TYW1B: variants seen among roughly 807,000 people sequenced by gnomAD.
TYW1B encodes tRNA-yW synthesizing protein 1 homolog B, also known as S-adenosyl-L-methionine-dependent tRNA 4-demethylwyosine synthase TYW1B.
TYW1B carries 73 observed loss-of-function variants against 86.9 expected under a neutral mutation model. The ratio of observed to expected loss-of-function variants is 0.84; its 90% CI spans 0.70 to 1.02. The LOEUF is 1.02. TYW1B is among the 50% of genes least tolerant of loss of function. The pLI is 0.00. For synonymous variants in TYW1B, 248 were observed against 292.8 expected (o/e 0.85, Z 1.56); for missense variants, 637 against 827.4 (o/e 0.77, Z 2.82).
chr7:72,712,874 T>C (rs1404229230), intron 10 of TYW1B, among the ~76,000 whole-genome samples: 9 of 152,130 alleles, frequency 5.9e-5, no homozygotes, highest in African/African-American at 1.9e-4. Flanking sequence ...CTTTCACACA[T>C]TCTGTGGTCT....
At chr7:72,585,205 ACT>A (rs782820299) in intron 13 of TYW1B, among the ~76,000 whole-genome samples, 1 of 152,218 alleles carries the variant, frequency 6.6e-6, no homozygotes, top group African/African-American at 2.4e-5. Flanking sequence ...GCCCCCAGCC[ACT>A]GTCTCAAACC....
At chr7:72,585,757 C>T (rs1264381190) in intron 13 of TYW1B, among the ~76,000 whole-genome samples, 2 of 152,176 alleles carry the variant, frequency 1.3e-5, no homozygotes, top group East Asian at 3.8e-4. Flanking sequence ...TGTGATGCCA[C>T]CCCAGCCACG....
chr7:72,616,251 T>G (rs1380191546), intron 13 of TYW1B, among the ~76,000 whole-genome samples: 7 of 152,084 alleles, frequency 4.6e-5, no homozygotes, highest in African/African-American at 1.7e-4. Context: ...CAAACAAAAT[T>G]CTCCAGATGC....
intron 13 of TYW1B, among the ~76,000 whole-genome samples, chr7:72,607,438 G>A (rs558448405): frequency 3.4e-5 from 5 of 147,884 alleles, no homozygotes; most frequent in Admixed American, 6.8e-5. Context: ...GAAAGAGGAG[G>A]AAGAAGAACA....
intron 12 of TYW1B, among the ~76,000 whole-genome samples, chr7:72,626,928 A>G (rs1453586716): frequency 3.3e-5 from 5 of 151,838 alleles, no homozygotes; most frequent in African/African-American, 1.2e-4. Context: ...TAGTGCACCT[A>G]TATTTACAAA....
chr7:72,813,799 G>A (rs1788669172), intron 3 of TYW1B, among the ~76,000 whole-genome samples: 1 of 152,076 alleles, frequency 6.6e-6, no homozygotes, highest in Non-Finnish European at 1.5e-5. Flanking sequence ...TAAATCACCT[G>A]ATGTCAGGAG....
chr7:72,758,458 T>C (rs552899289), intron 7 of TYW1B, among the ~76,000 whole-genome samples: 1 of 151,872 alleles, frequency 6.6e-6, no homozygotes, highest in African/African-American at 2.4e-5. Context: ...AAACATTTTT[T>C]TCTCTTAGAA....
At chr7:72,612,207 C>G (rs185789607) in intron 13 of TYW1B, among the ~76,000 whole-genome samples, 19 of 151,946 alleles carry the variant, frequency 1.3e-4, no homozygotes, top group Non-Finnish European at 2.6e-4. Flanking sequence ...TTAGAGAGAA[C>G]GAAGAGACAG....
At chr7:72,747,706 CAA>C (rs1554464085) in intron 7 of TYW1B, among the ~76,000 whole-genome samples, 1 of 152,164 alleles carries the variant, frequency 6.6e-6, no homozygotes, top group African/African-American at 2.4e-5. Context: ...CCTATTTCTA[CAA>C]AAGTCTTATT....
At chr7:72,776,432 A>G (rs1787954762) in intron 7 of TYW1B, among the ~76,000 whole-genome samples, 1 of 151,644 alleles carries the variant, frequency 6.6e-6, no homozygotes, top group Non-Finnish European at 1.5e-5. Context: ...ATGGTGACAT[A>G]TGTCTCTAGT....
chr7:72,678,715 T>C (rs1167472783), intron 11 of TYW1B, among the ~76,000 whole-genome samples: 2 of 151,720 alleles, frequency 1.3e-5, no homozygotes, highest in Non-Finnish European at 2.9e-5. Context: ...CTAATTTTTG[T>C]ATTTTTAGTA....
intron 7 of TYW1B, among the ~76,000 whole-genome samples, chr7:72,759,058 C>T (rs552953759): frequency 5.3e-5 from 8 of 152,250 alleles, no homozygotes; most frequent in South Asian, 4.1e-4. Context: ...TGGCCAGGTG[C>T]GGTAGCTTAT....
chr7:72,720,764 T>G (rs1786880453), intron 9 of TYW1B, among the ~76,000 whole-genome samples: 1 of 152,164 alleles, frequency 6.6e-6, no homozygotes, highest in Non-Finnish European at 1.5e-5. Flanking sequence ...TTATTATTAT[T>G]ATACCTTAAG....
intron 11 of TYW1B, among the ~76,000 whole-genome samples, chr7:72,643,164 TAATATA>T (rs1211939933): frequency 6.6e-6 from 1 of 151,872 alleles, no homozygotes; most frequent in Non-Finnish European, 1.5e-5. Context: ...AAGTAAGCAA[TAATATA>T]AATATAAGAA....
intron 12 of TYW1B, among the ~76,000 whole-genome samples, chr7:72,626,096 T>C (rs1554438765): frequency 6.6e-6 from 1 of 151,730 alleles, no homozygotes. Context: ...GTTTGTATCT[T>C]TGCATCATTA....
At chr7:72,700,340 A>G (rs1814436200) in intron 10 of TYW1B, among the ~76,000 whole-genome samples, 1 of 151,230 alleles carries the variant, frequency 6.6e-6, no homozygotes, top group African/African-American at 2.4e-5. Context: ...ACGCCCAGCT[A>G]ATTTTTTGTA....
intron 2 of TYW1B, among the ~76,000 whole-genome samples, chr7:72,817,562 G>C (rs1586008091): frequency 6.6e-6 from 1 of 152,232 alleles, no homozygotes; most frequent in East Asian, 1.9e-4. Context: ...TTGGGTCATG[G>C]GGGTGGGTCC....
chr7:72,713,740 T>G lies in TYW1B; in HGVS notation c.1251A>C (p.Ala417=). ...TTATTGGTTCTCCCACGAGGGACAATGCACAGTGCTTTACCGTCATTCCTT... is the reference window on the plus strand; with the variant it reads ...TTATTGGTTCTCCCACGAGGGACAAGGCACAGTGCTTTACCGTCATTCCTT... ...FEEGMTVKHC[A]LSLVGEPIMY... The change falls in exon 10 of 14, where the codon GCA becomes GCC. Residue 417 remains alanine (A), a synonymous_variant. Transcript: ENST00000620995. The G allele has an allele frequency of 6.2e-7, 1 of 1,612,692 alleles. No homozygotes were observed. The highest frequency in any genetic ancestry group is 8.5e-7 in the Non-Finnish European group (1 of 1,179,442).
At chr7:72,719,867 C>A (rs1346375156) in intron 9 of TYW1B, among the ~76,000 whole-genome samples, 3 of 152,048 alleles carry the variant, frequency 2.0e-5, no homozygotes, top group African/African-American at 7.2e-5. Flanking sequence ...AGGTGGGAGC[C>A]TGCCTGATTA....
Sources: gnomAD v4.1 joint callset for allele counts (sites outside exome capture counted in the v4.1 genomes callset) on GRCh38, gnomAD v4.1.1 for gene constraint, MANE v1.5 for transcripts, NCBI Gene and HGNC (gene_info 2026-07-23, HGNC 2026-07-21) for gene names.